NDRG3: variants seen among roughly 807,000 people sequenced by gnomAD.
NDRG3 encodes protein NDRG3.
A neutral mutation model predicts 57.2 loss-of-function variants in NDRG3; 23 were observed. That is an observed-to-expected ratio of 0.40 (90% CI 0.29 to 0.57). The LOEUF is 0.57. NDRG3 is among the 20% of genes least tolerant of loss of function. The probability of loss-of-function intolerance (pLI) is 0.42; values close to 1 mark genes in which losing one functional copy is unlikely to be tolerated. For missense variants in NDRG3, 384 were observed against 457.3 expected (o/e 0.84, Z 1.46); for synonymous variants, 132 against 162.6 (o/e 0.81, Z 1.43).
intron 3 of NDRG3, among the ~76,000 whole-genome samples, chr20:36,702,427 C>T (rs547814402): frequency 2.0e-5 from 3 of 152,242 alleles, no homozygotes; most frequent in East Asian, 1.9e-4. Context: ...TGAGCGACCG[C>T]GCCCGGCCCC....
At chr20:36,659,095 C>T (rs955234707) in intron 13 of NDRG3, among the ~76,000 whole-genome samples, 2 of 151,724 alleles carry the variant, frequency 1.3e-5, no homozygotes, top group Non-Finnish European at 2.9e-5. Context: ...GCTACGGATG[C>T]GCACCACCAA....
chr20:36,696,071 T>G (rs1982759580), intron 3 of NDRG3, among the ~76,000 whole-genome samples: 1 of 152,200 alleles, frequency 6.6e-6, no homozygotes, highest in Admixed American at 6.5e-5. Flanking sequence ...TATTGGGGGA[T>G]TCCCCCGATA....
At chr20:36,667,019 A>G (rs1979691117) in intron 9 of NDRG3, among the ~76,000 whole-genome samples, 1 of 152,096 alleles carries the variant, frequency 6.6e-6, no homozygotes, top group Non-Finnish European at 1.5e-5. Flanking sequence ...TATTTTTAGT[A>G]GAGACGGGGT....
intron 3 of NDRG3, among the ~76,000 whole-genome samples, chr20:36,692,910 C>CA (rs1335574190): frequency 2.0e-5 from 3 of 148,794 alleles, no homozygotes; most frequent in South Asian, 4.2e-4. Flanking sequence ...TGCATATCTA[C>CA]AAAAAAATAA....
intron 3 of NDRG3, among the ~76,000 whole-genome samples, chr20:36,696,660 T>C (rs759750773): frequency 1.4e-4 from 21 of 151,510 alleles, no homozygotes; most frequent in Non-Finnish European, 3.1e-4. Flanking sequence ...GCCTAGCTAA[T>C]TTTTTGTATT....
intron 10 of NDRG3, among the ~76,000 whole-genome samples, 195 bp downstream of exon 10, chr20:36,666,094 C>G (rs1285522423): frequency 6.6e-6 from 1 of 152,130 alleles, no homozygotes; most frequent in Non-Finnish European, 1.5e-5. Flanking sequence ...TCCTTACTGG[C>G]TGTATAATTT....
intron 15 of NDRG3, among the ~76,000 whole-genome samples, chr20:36,654,491 T>C (rs945428305): frequency 6.6e-6 from 1 of 152,198 alleles, no homozygotes; most frequent in African/African-American, 2.4e-5. Context: ...AGGCTGCCCT[T>C]GGATTCCTGT....
intron 3 of NDRG3, among the ~76,000 whole-genome samples, chr20:36,703,623 T>C (rs1443115114): frequency 1.3e-5 from 2 of 152,094 alleles, no homozygotes; most frequent in Admixed American, 6.6e-5. Flanking sequence ...TTTTATTTTT[T>C]AATTTTTTGT....
intron 3 of NDRG3, among the ~76,000 whole-genome samples, chr20:36,697,534 C>T (rs1028753541): frequency 3.9e-5 from 6 of 152,060 alleles, no homozygotes; most frequent in Non-Finnish European, 8.8e-5. Flanking sequence ...TGGCGAAACC[C>T]CATCTCTACT....
rs188544062 is a variant in NDRG3 at position 36,684,943 on chromosome 20, T to C, written c.321-468A>G. 2.0e-5 allele frequency among the ~76,000 whole-genome samples: 3 copies of C among 152,278 alleles called. No homozygotes were observed. The East Asian group carries it at 5.8e-4, about 29-fold the overall frequency. ...CCCTGAAAATGATTGTGGCATATTG[T>C]GTAACTCTCTACAACTGCCATGCTA... On this transcript the variant is annotated intron_variant, in intron 5 of 15. Coordinates refer to ENST00000349004, the MANE Select transcript of NDRG3 (RefSeq NM_032013.4).
chr20:36,696,920 A>G (rs1312287709), intron 3 of NDRG3, among the ~76,000 whole-genome samples: 2 of 152,192 alleles, frequency 1.3e-5, no homozygotes, highest in Non-Finnish European at 2.9e-5. Context: ...ACCATGTATA[A>G]TGAAACTTAA....
chr20:36,683,333 A>C (rs1405452713), intron 6 of NDRG3, among the ~76,000 whole-genome samples: 1 of 150,686 alleles, frequency 6.6e-6, no homozygotes, highest in Non-Finnish European at 1.5e-5. Flanking sequence ...TATAACTGAG[A>C]CCGGGGGCAG....
chr20:36,693,338 T>C (rs1982503189), intron 3 of NDRG3, among the ~76,000 whole-genome samples: 2 of 150,738 alleles, frequency 1.3e-5, no homozygotes, highest in Admixed American at 1.3e-4. Context: ...CAAGGGTTAG[T>C]GGTGCCAACC....
chr20:36,735,970 CAAAAAAAAAAAAA>C (rs576981000), intron 1 of NDRG3, among the ~76,000 whole-genome samples: 1 of 50,966 alleles, frequency 2.0e-5, no homozygotes, highest in Non-Finnish European at 4.1e-5. Flanking sequence ...GGCCCTGTCT[CAAAAAAAAAAAAA>C]AAAAAAAAAA....
intron 1 of NDRG3, among the ~76,000 whole-genome samples, chr20:36,722,891 T>TTA (rs1465402452): frequency 6.6e-6 from 1 of 152,254 alleles, no homozygotes; most frequent in African/African-American, 2.4e-5. Context: ...CATTACACTT[T>TTA]GTGCTTCAAG....
At chr20:36,736,854 G>T (rs916654985) in intron 1 of NDRG3, among the ~76,000 whole-genome samples, 2 of 152,094 alleles carry the variant, frequency 1.3e-5, no homozygotes, top group Non-Finnish European at 2.9e-5. Context: ...TAAGCTAAGG[G>T]GTGGGGAAGG....
At chr20:36,684,584 T>C in intron 5 of NDRG3, 109 bp from the exon 6 acceptor site, 2 of 933,014 alleles carry the variant, frequency 2.1e-6, no homozygotes, top group Non-Finnish European at 3.4e-6. Context: ...GCGCAGTAGC[T>C]CATGCCTATA....
chr20:36,691,906 A>G (rs530462105), intron 3 of NDRG3, among the ~76,000 whole-genome samples: 2 of 152,296 alleles, frequency 1.3e-5, no homozygotes, highest in African/African-American at 4.8e-5. Flanking sequence ...TTGTGGGGAT[A>G]AAACAGTAAA....
intron 3 of NDRG3, among the ~76,000 whole-genome samples, chr20:36,706,356 C>T (rs750262510): frequency 3.9e-5 from 6 of 152,170 alleles, no homozygotes; most frequent in Non-Finnish European, 8.8e-5. Context: ...AGCAACCCTC[C>T]ATTTGCCACC....
Sources: allele counts gnomAD v4.1 joint callset (sites outside exome capture counted in the v4.1 genomes callset), GRCh38; gene constraint gnomAD v4.1.1; transcripts MANE v1.5; gene names NCBI Gene and HGNC (gene_info 2026-07-23, HGNC 2026-07-21).